The following WDFY4 variants were observed in gnomAD, a reference collection of about 807,000 sequenced individuals.
WDFY4 encodes the protein WD repeat- and FYVE domain-containing protein 4.
Under a neutral mutation model 351.9 loss-of-function variants are expected in WDFY4, and 169 were observed. That is an observed-to-expected ratio of 0.48 (90% CI 0.42 to 0.55). The LOEUF is 0.55. Ranked by LOEUF, WDFY4 falls within the 20% of genes least tolerant of loss-of-function variation. The pLI is 0.00. For synonymous variants in WDFY4, 1,622 were observed against 1,574.6 expected, an observed-to-expected ratio of 1.03 and a Z score of -0.71; for missense variants, 3,803 against 3,935.6, an observed-to-expected ratio of 0.97 and a Z score of 0.90.
intron 16 of WDFY4, 109 bp from the exon 17 acceptor site, chr10:48,777,310 C>G (rs2066066305): frequency 9.5e-7 from 1 of 1,053,440 alleles, no homozygotes; most frequent in Non-Finnish European, 1.4e-6. Flanking sequence ...AGGAGGGTTA[C>G]AGTGCCGGCA....
intron 19 of WDFY4, among the ~76,000 whole-genome samples, chr10:48,785,592 A>G (rs1383086518): frequency 6.6e-6 from 1 of 152,208 alleles, no homozygotes; most frequent in African/African-American, 2.4e-5. Flanking sequence ...TGAAGAGTCT[A>G]TCATTTCTCA....
Position 48,966,602 on chromosome 10 carries a change from G to A in WDFY4, c.8513G>A (p.Ser2838Asn). 2 of 1,551,918 alleles carry A rather than the reference G, an allele frequency of 1.3e-6. No homozygotes were observed. The highest frequency in any genetic ancestry group is 8.7e-7 in the Non-Finnish European group (1 of 1,147,024). The change falls in exon 55 of 62, where the codon AGC becomes AAC. Residue 2838 changes from serine to asparagine, a missense_variant. Physicochemically the swap from Ser to Asn is conservative, Grantham distance 46. Coordinates refer to ENST00000325239, the MANE Select transcript of WDFY4 (RefSeq NM_001394531.1). ...LPGKDVSTPV[S>N]LPGHPQPFFY... ...GGAAAGGATGTCTCCACCCCCGTGA[G>A]CCTGCCTGGCCACCCACAGCCCTTT...
intron 51 of WDFY4, among the ~76,000 whole-genome samples, chr10:48,948,517 C>A (rs12265642): frequency 0.013 from 1,983 of 152,218 alleles, 42 homozygotes; most frequent in African/African-American, 0.046. Flanking sequence ...AACCCAAAAC[C>A]CCAGCTCTAC....
At position 48,810,486 on chromosome 10, in the gene WDFY4, G is replaced by A. The variant is rs41283271; in HGVS notation, c.4839-44G>A. ...TTCATATTTTCTGGACATGTCACTC[G>A]CTCATGGACTGAGAGAACATTGGTT... is the stretch of plus-strand genomic sequence containing the variant. On this transcript the variant is annotated intron_variant, in intron 28 of 61. Coordinates refer to ENST00000325239, the MANE Select transcript of WDFY4 (RefSeq NM_001394531.1). 13,085 of 1,508,412 alleles carry A rather than the reference G, an allele frequency of 8.7e-3. 77 individuals are homozygous for A. Among genetic ancestry groups the A allele is most frequent in the Non-Finnish European group, 9.4e-3 (10,603 of 1,123,474 alleles). The allele number at this position is 1,508,412 out of a possible 1,614,324, so 93.4% of individuals were successfully genotyped here. A position where few individuals can be genotyped will look rare whatever the true frequency, so the allele number is the denominator to read the frequency against.
intron 35 of WDFY4, among the ~76,000 whole-genome samples, chr10:48,825,019 G>A (rs548002188): frequency 3.3e-5 from 5 of 152,266 alleles, no homozygotes; most frequent in Admixed American, 6.5e-5. Flanking sequence ...ATAGGTAAAT[G>A]TGTGTCACAG....
Position 48,889,228 on chromosome 10 carries a change from C to T in WDFY4, c.7168-1351C>T, listed in dbSNP as rs112780694. On this transcript the variant is annotated intron_variant, in intron 43 of 61. Coordinates refer to ENST00000325239, the MANE Select transcript of WDFY4 (RefSeq NM_001394531.1). ...GAGGCTCTCGGCTGGTCCTAGCTTA[C>T]GAAAAACAGCTCAGCCCTGACTTGC... Among the ~76,000 whole-genome samples the T allele has an allele frequency of 2.6e-3, 389 of 152,290 alleles. 4 individuals are homozygous for T. The highest frequency in any genetic ancestry group is 8.7e-3 in the African/African-American group (360 of 41,580).
At chr10:48,832,535 C>T (rs2068225546) in intron 38 of WDFY4, 38 bp from the exon 39 acceptor site, 1 of 1,504,112 alleles carries the variant, frequency 6.6e-7, no homozygotes, top group Non-Finnish European at 9.0e-7. Context: ...TGTGTGCTCT[C>T]ACTTCACCTC....
At chr10:48,854,430 G>T (rs1161237176) in intron 39 of WDFY4, among the ~76,000 whole-genome samples, 7 of 151,578 alleles carry the variant, frequency 4.6e-5, no homozygotes, top group African/African-American at 1.7e-4. Flanking sequence ...TTTTTCAACT[G>T]ATCTTATTAA....
intron 58 of WDFY4, among the ~76,000 whole-genome samples, chr10:48,975,624 T>C (rs1406437484): frequency 6.6e-6 from 1 of 152,218 alleles, no homozygotes; most frequent in Non-Finnish European, 1.5e-5. Context: ...AGGAGCTTCC[T>C]GGTTCCAATT....
At chr10:48,834,324 A>T (rs2068303134) in intron 39 of WDFY4, among the ~76,000 whole-genome samples, 1 of 152,158 alleles carries the variant, frequency 6.6e-6, no homozygotes. Context: ...CAGAGTGAAG[A>T]TAGGATCCCA....
chr10:48,874,658 T>A (rs889193051), intron 41 of WDFY4, among the ~76,000 whole-genome samples: 5 of 151,720 alleles, frequency 3.3e-5, no homozygotes, highest in Non-Finnish European at 1.5e-5. Flanking sequence ...CAAAAAAAAA[T>A]AAAAAATAAA....
At chr10:48,921,273 C>CAATGGAACAGAA (rs1839051605) in intron 47 of WDFY4, among the ~76,000 whole-genome samples, 1 of 151,552 alleles carries the variant, frequency 6.6e-6, no homozygotes, top group Non-Finnish European at 1.5e-5. Flanking sequence ...GTAGATAGGT[C>CAATGGAACAGAA]AATGGAACAG....
chr10:48,788,929 T>G (rs1383421739), intron 21 of WDFY4, among the ~76,000 whole-genome samples: 1 of 152,260 alleles, frequency 6.6e-6, no homozygotes, highest in East Asian at 1.9e-4. Flanking sequence ...AAATGACATA[T>G]TTTAAATACC....
rs373211348 is a variant in WDFY4 at position 48,939,777 on chromosome 10, T to C, written c.7587-2029T>C. ...TTAGGTGTCCTGGAACTGCTGGTAA[T>C]GGCGTCTTTCTCTGATGGTACCAGA... On this transcript the variant is annotated intron_variant, in intron 47 of 61. Coordinates refer to ENST00000325239, the MANE Select transcript of WDFY4 (RefSeq NM_001394531.1). Among the ~76,000 whole-genome samples the C allele has an allele frequency of 4.6e-5, 7 of 152,334 alleles. No individual in the cohort carries two copies. In the East Asian group the frequency reaches 1.2e-3, roughly 25 times the overall value.
Position 48,981,408 on chromosome 10 carries a change from G to A in WDFY4, c.9418G>A (p.Asp3140Asn), listed in dbSNP as rs1453502844. 3.9e-6 allele frequency: 6 copies of A among 1,551,794 alleles called. No individual in the cohort carries two copies. Among genetic ancestry groups the A allele is most frequent in the Non-Finnish European group, 5.2e-6 (6 of 1,147,012 alleles). ...GAACCTGGCCTTGAGTCGAGAGCTG[G>A]ACGTTAGCATTGCTTTGACAGGGAA... The part of the protein sequence containing the change: ...EKNLALSREL[D>N]VSIALTGKPS... Residue 3140 changes from aspartate to asparagine, a missense_variant, in exon 61 of 62, where the codon GAC becomes AAC. Transcript: ENST00000325239.
chr10:48,849,258 A>G (rs1353298820), intron 39 of WDFY4, among the ~76,000 whole-genome samples: 1 of 152,260 alleles, frequency 6.6e-6, no homozygotes, highest in Non-Finnish European at 1.5e-5. Context: ...GTCTATTTAT[A>G]AAATGGAAAT....
At chr10:48,962,182 A>T (rs753061514) in intron 53 of WDFY4, among the ~76,000 whole-genome samples, 4 of 152,172 alleles carry the variant, frequency 2.6e-5, no homozygotes, top group Admixed American at 1.3e-4. Context: ...CTTCATGCAA[A>T]CATCTCCAGA....
At chr10:48,879,447 A>G (rs2070159896) in intron 43 of WDFY4, among the ~76,000 whole-genome samples, 1 of 152,198 alleles carries the variant, frequency 6.6e-6, no homozygotes, top group South Asian at 2.1e-4. Context: ...GTGTCTCCAT[A>G]TTGGTTCTTT....
intron 45 of WDFY4, among the ~76,000 whole-genome samples, chr10:48,898,830 C>T (rs1435633076): frequency 6.6e-6 from 1 of 152,100 alleles, no homozygotes; most frequent in Non-Finnish European, 1.5e-5. Flanking sequence ...CCTGATGGTT[C>T]TGGGCAGTGC....
Sources: gnomAD v4.1 joint callset for allele counts (sites outside exome capture counted in the v4.1 genomes callset) on GRCh38, gnomAD v4.1.1 for gene constraint, MANE v1.5 for transcripts, NCBI Gene and HGNC (gene_info 2026-07-23, HGNC 2026-07-21) for gene names.